The following PALM2AKAP2 variants were observed in gnomAD, a reference collection of about 807,000 sequenced individuals.
The protein encoded by PALM2AKAP2 is PALM2 and AKAP2 fusion, also known as PALM2-AKAP2 fusion protein.
Under a neutral mutation model 71.5 loss-of-function variants are expected in PALM2AKAP2, and 37 were observed. That is an observed-to-expected ratio of 0.52 (90% CI 0.40 to 0.68). The LOEUF (loss-of-function observed/expected upper bound fraction) is 0.68. Ranked by LOEUF, PALM2AKAP2 falls within the 30% of genes least tolerant of loss-of-function variation. The pLI, the probability that PALM2AKAP2 is intolerant of heterozygous loss-of-function variation, is 0.00. For synonymous variants in PALM2AKAP2, 468 were observed against 478.8 expected (o/e 0.98, Z 0.29); for missense variants, 1,224 against 1,191.8 (o/e 1.03, Z -0.40).
At chr9:110,008,091 A>C (rs1417188592) in intron 6 of PALM2AKAP2, among the ~76,000 whole-genome samples, 1 of 152,184 alleles carries the variant, frequency 6.6e-6, no homozygotes, top group African/African-American at 2.4e-5. Flanking sequence ...GTGGTGGGAA[A>C]GTTTGAGTTA....
intron 7 of PALM2AKAP2, among the ~76,000 whole-genome samples, chr9:110,034,405 G>T (rs1360530995): frequency 1.3e-5 from 2 of 151,974 alleles, no homozygotes; most frequent in Non-Finnish European, 2.9e-5. Context: ...TGACCTGCTC[G>T]CCTCGGCCTC....
At chr9:109,878,450 G>C (rs898375139) in intron 2 of PALM2AKAP2, among the ~76,000 whole-genome samples, 1 of 151,820 alleles carries the variant, frequency 6.6e-6, no homozygotes, top group African/African-American at 2.4e-5. Flanking sequence ...TACAGGTCAA[G>C]TACCATAAAT....
At chr9:109,816,572 G>A (rs1050103050) in intron 1 of PALM2AKAP2, among the ~76,000 whole-genome samples, 2 of 152,192 alleles carry the variant, frequency 1.3e-5, no homozygotes, top group Non-Finnish European at 2.9e-5. Flanking sequence ...TCGTTGAGGA[G>A]AGTGAAGATC....
At chr9:110,072,413 G>A (rs1320790265) in intron 1 of PALM2AKAP2, among the ~76,000 whole-genome samples, 1 of 152,172 alleles carries the variant, frequency 6.6e-6, no homozygotes, top group Non-Finnish European at 1.5e-5. Context: ...ACTAAGCTTG[G>A]ATCTTTCCAG....
At chr9:110,088,717 T>TG (rs1564297945) in intron 1 of PALM2AKAP2, among the ~76,000 whole-genome samples, 4 of 133,006 alleles carry the variant, frequency 3.0e-5, no homozygotes, top group Non-Finnish European at 6.5e-5. Context: ...TTTTTTTTTT[T>TG]TTTTTTTTTT....
At chr9:110,044,681 A>T (rs371464489), upstream of PALM2AKAP2, among the ~76,000 whole-genome samples, 4,459 of 148,778 alleles carry the variant, frequency 0.03, 207 homozygotes, top group African/African-American at 0.099. Flanking sequence ...TTTTTTTTTT[A>T]AATTTTCAGC....
exon 2 of PALM2AKAP2, chr9:110,137,035 G>T: frequency 6.2e-7 from 1 of 1,614,112 alleles, no homozygotes; most frequent in Non-Finnish European, 8.5e-7. Context: ...AAAAGTACAA[G>T]GAGCGCAAAG....
intron 1 of PALM2AKAP2, among the ~76,000 whole-genome samples, chr9:109,695,455 C>A (rs2118561271): frequency 6.6e-6 from 1 of 152,266 alleles, no homozygotes; most frequent in Non-Finnish European, 1.5e-5. Flanking sequence ...TCCTCATCAG[C>A]ATTGTCATTT....
chr9:109,945,320 T>C (rs534866692), intron 6 of PALM2AKAP2: 1 of 152,324 alleles, frequency 6.6e-6, no homozygotes, highest in South Asian at 2.1e-4. Flanking sequence ...AGTTCTGCTG[T>C]TGAAGATTAT....
chr9:110,012,326 AT>A (rs1400299398), intron 6 of PALM2AKAP2, among the ~76,000 whole-genome samples: 4 of 151,976 alleles, frequency 2.6e-5, no homozygotes, highest in Non-Finnish European at 5.9e-5. Flanking sequence ...AAAGAAAAGT[AT>A]TTTTTTATTA....
intron 1 of PALM2AKAP2, among the ~76,000 whole-genome samples, chr9:109,849,099 T>G (rs913360): frequency 0.16 from 24,634 of 151,280 alleles, 2,316 homozygotes; most frequent in East Asian, 0.25. Flanking sequence ...GGGAGAAGGG[T>G]TAGAGAGAAA....
intron 6 of PALM2AKAP2, among the ~76,000 whole-genome samples, chr9:110,001,682 G>A (rs887607755): frequency 6.6e-6 from 1 of 151,972 alleles, no homozygotes; most frequent in East Asian, 1.9e-4. Context: ...TATCCTCTTT[G>A]ATTTCATTGA....
chr9:109,881,992 TC>T (rs1412756334), intron 3 of PALM2AKAP2, among the ~76,000 whole-genome samples: 1 of 148,214 alleles, frequency 6.7e-6, no homozygotes, highest in Non-Finnish European at 1.5e-5. Context: ...CAAGCGATTC[TC>T]CTGCCTCAGC....
intron 6 of PALM2AKAP2, among the ~76,000 whole-genome samples, chr9:110,014,800 AAAAATGTATATATATATATATATATAT>A (rs1832944313): frequency 1.9e-5 from 1 of 51,702 alleles, no homozygotes; most frequent in African/African-American, 7.3e-5. Context: ...AAAAAAAAAA[AAAAATGTATATATATATATATATATAT>A]ATATATATAT....
chr9:110,046,521 T>G (rs1833599871), upstream of PALM2AKAP2, among the ~76,000 whole-genome samples: 2 of 147,308 alleles, frequency 1.4e-5, no homozygotes, highest in South Asian at 2.1e-4. Context: ...CAGGCTGGAG[T>G]GCAATGGCAC....
At chr9:109,828,879 C>A (rs1353320444) in intron 1 of PALM2AKAP2, among the ~76,000 whole-genome samples, 1 of 152,196 alleles carries the variant, frequency 6.6e-6, no homozygotes, top group East Asian at 1.9e-4. Context: ...TTAAAATAAG[C>A]TCAATTCATT....
At chr9:109,880,991 A>C (rs1454521337) in intron 3 of PALM2AKAP2, among the ~76,000 whole-genome samples, 1 of 152,128 alleles carries the variant, frequency 6.6e-6, no homozygotes, top group Non-Finnish European at 1.5e-5. Context: ...CCCAGGTATT[A>C]AGCCTAGTAC....
In PALM2AKAP2 at chr9:110,088,812, C is replaced by T. The variant is rs140042643; in HGVS notation, c.156+39957C>T. Among the ~76,000 whole-genome samples the T allele has an allele frequency of 2.4e-4, 36 of 148,130 alleles. 1 individual carries two copies. The East Asian group carries it at 6.4e-3, about 26-fold the overall frequency. Reference sequence around the variant, plus strand: ...TCAGTTCACTGCAACCTCCGCCTCCCGGGTTCAAGAAATTCTCCTGTCTCA... The same window carrying T: ...TCAGTTCACTGCAACCTCCGCCTCCTGGGTTCAAGAAATTCTCCTGTCTCA... On this transcript the variant is annotated intron_variant, in intron 1 of 3. Coordinates refer to ENST00000374525, the Ensembl canonical transcript of PALM2AKAP2.
intron 1 of PALM2AKAP2, among the ~76,000 whole-genome samples, chr9:109,657,654 C>G (rs780565893): frequency 1.3e-5 from 2 of 151,904 alleles, no homozygotes; most frequent in African/African-American, 4.8e-5. Context: ...CTTGAGGGAG[C>G]GAGTTGGTAT....
Sources: allele counts gnomAD v4.1 joint callset (sites outside exome capture counted in the v4.1 genomes callset), GRCh38; gene constraint gnomAD v4.1.1; transcripts MANE v1.5; gene names NCBI Gene and HGNC (gene_info 2026-07-23, HGNC 2026-07-21).